Variants in MEGF10 observed in about 807,000 individuals in gnomAD.
The protein encoded by MEGF10 is multiple epidermal growth factor-like domains protein 10.
MEGF10 carries 86 observed loss-of-function variants against 147.5 expected under a neutral mutation model. The observed-to-expected ratio is 0.58, with a 90% CI of 0.49 to 0.70. The LOEUF is 0.70. MEGF10 is among the 30% of genes least tolerant of loss of function. The probability of loss-of-function intolerance (pLI) is 0.00; values close to 1 mark genes in which losing one functional copy is unlikely to be tolerated. For synonymous variants in MEGF10, 478 were observed against 525.5 expected, an observed-to-expected ratio of 0.91 and a Z score of 1.24; for missense variants, 1,329 against 1,487.3, an observed-to-expected ratio of 0.89 and a Z score of 1.75.
intron 5 of MEGF10, 124 bp downstream of exon 5, chr5:127,370,126 C>T (rs1180778286): frequency 4.4e-5 from 26 of 590,194 alleles, no homozygotes; most frequent in Admixed American, 9.5e-5. Flanking sequence ...GTAAATGCCA[C>T]GACCAACTCA....
chr5:127,279,685 G>A, the MEGF10 span, among the ~76,000 whole-genome samples: 1 of 152,038 alleles, frequency 6.6e-6, no homozygotes. Flanking sequence ...ACAATACTCT[G>A]TGTCAAATAC....
intron 4 of MEGF10, among the ~76,000 whole-genome samples, chr5:127,352,847 G>C (rs1762133311): frequency 6.6e-6 from 1 of 152,216 alleles, no homozygotes; most frequent in Non-Finnish European, 1.5e-5. Flanking sequence ...GGCTGATAAA[G>C]AAGACAGTTT....
At position 127,410,615 on chromosome 5, in the gene MEGF10, TC is replaced by T; in HGVS notation, c.1130+18del. The T allele has an allele frequency of 6.3e-7, 1 of 1,586,114 alleles. No homozygotes were observed. The highest frequency in any genetic ancestry group is 8.6e-7 in the Non-Finnish European group (1 of 1,168,726). ...AAACACTCATAGGTGAGTGTCAGCT[TC>T]CCCTGGAAGGACGTGTCCTGTGAAA... On this transcript the variant is annotated intron_variant, in intron 9 of 24. Transcript: ENST00000503335.
chr5:127,237,313 T>C, the MEGF10 span, among the ~76,000 whole-genome samples: 2 of 152,138 alleles, frequency 1.3e-5, no homozygotes, highest in African/African-American at 4.8e-5. Context: ...GCCAACACAG[T>C]GAAACCCTGT....
the MEGF10 span, among the ~76,000 whole-genome samples, chr5:127,261,769 T>C: frequency 6.6e-6 from 1 of 152,166 alleles, no homozygotes; most frequent in African/African-American, 2.4e-5. Context: ...GTTCTTATTA[T>C]CTGTTTTTTA....
chr5:127,309,703 G>A (rs945614598), intron 1 of MEGF10, among the ~76,000 whole-genome samples: 2 of 152,096 alleles, frequency 1.3e-5, no homozygotes, highest in Admixed American at 1.3e-4. Flanking sequence ...ATGGACATAT[G>A]TGTCATTTCC....
the MEGF10 span, among the ~76,000 whole-genome samples, chr5:127,274,932 G>A: frequency 1.3e-5 from 2 of 152,166 alleles, no homozygotes; most frequent in African/African-American, 4.8e-5. Context: ...CTGGTCATGT[G>A]TTTTGTGTAA....
chr5:127,366,708 A>T (rs1024758106), intron 4 of MEGF10, among the ~76,000 whole-genome samples: 10 of 152,180 alleles, frequency 6.6e-5, no homozygotes, highest in South Asian at 2.1e-4. Flanking sequence ...GGATTTTTTT[A>T]AAAAATTATT....
chr5:127,285,396 G>A, the MEGF10 span, among the ~76,000 whole-genome samples: 3 of 152,044 alleles, frequency 2.0e-5, no homozygotes, highest in Admixed American at 6.6e-5. Context: ...ATTTTAAGAT[G>A]TCAAGATTAA....
intron 8 of MEGF10, among the ~76,000 whole-genome samples, chr5:127,410,121 A>AAGC (rs1043003877): frequency 4.6e-5 from 7 of 152,280 alleles, no homozygotes; most frequent in Admixed American, 1.3e-4. Context: ...CTCATGTCCT[A>AAGC]AGCTCCTATT....
intron 5 of MEGF10, among the ~76,000 whole-genome samples, chr5:127,392,907 C>T (rs1763756260): frequency 6.6e-6 from 1 of 152,138 alleles, no homozygotes; most frequent in South Asian, 2.1e-4. Context: ...TAAGCCATTC[C>T]ATGAAATATC....
intron 1 of MEGF10, among the ~76,000 whole-genome samples, chr5:127,298,099 G>T (rs1236160720): frequency 6.6e-6 from 1 of 152,196 alleles, no homozygotes; most frequent in Non-Finnish European, 1.5e-5. Context: ...ACTATGGAAA[G>T]AGTTCATATC....
At chr5:127,378,358 C>T (rs1234601990) in intron 5 of MEGF10, among the ~76,000 whole-genome samples, 2 of 152,186 alleles carry the variant, frequency 1.3e-5, no homozygotes, top group African/African-American at 4.8e-5. Context: ...GCTTACACCA[C>T]ACTTCTTCAC....
chr5:127,409,334 A>C (rs967534203), intron 8 of MEGF10, among the ~76,000 whole-genome samples: 1 of 152,202 alleles, frequency 6.6e-6, no homozygotes, highest in African/African-American at 2.4e-5. Context: ...TGAGAGCCAC[A>C]TGGGAAGTGG....
the MEGF10 span, among the ~76,000 whole-genome samples, chr5:127,279,902 A>T: frequency 6.6e-6 from 1 of 152,224 alleles, no homozygotes; most frequent in South Asian, 2.1e-4. Context: ...TTCCCTCCTG[A>T]CTAGTTGATA....
rs533949118 is a variant in MEGF10, at chr5:127,332,962, A to G, written c.116+1538A>G. Among the ~76,000 whole-genome samples the G allele has an allele frequency of 3.3e-4, 50 of 152,276 alleles. No individual in the cohort carries two copies. The Middle Eastern group carries it at 0.01, about 31-fold the overall frequency. On this transcript the variant is annotated intron_variant, in intron 2 of 24. Coordinates refer to ENST00000503335, the MANE Select transcript of MEGF10 (RefSeq NM_001256545.2). ...ATCAACAGATCTTGATAATACATTG[A>G]CTGAGGAAGTGAAGGAGGCAGAGAA... is the stretch of plus-strand genomic sequence containing the variant.
chr5:127,374,478 A>C (rs1186967189), intron 5 of MEGF10, among the ~76,000 whole-genome samples: 2 of 151,936 alleles, frequency 1.3e-5, no homozygotes, highest in Non-Finnish European at 2.9e-5. Flanking sequence ...CAATTCCTAT[A>C]TGCACCCTCC....
chr5:127,272,519 T>C, the MEGF10 span, among the ~76,000 whole-genome samples: 1 of 152,190 alleles, frequency 6.6e-6, no homozygotes, highest in African/African-American at 2.4e-5. Flanking sequence ...TGCTTTGGAC[T>C]GTATGGCCAT....
chr5:127,269,565 G>A, the MEGF10 span, among the ~76,000 whole-genome samples: 1 of 152,176 alleles, frequency 6.6e-6, no homozygotes, highest in Non-Finnish European at 1.5e-5. Context: ...AATGAACAAA[G>A]CCTCCAAGAA....
Sources: allele counts gnomAD v4.1 joint callset (sites outside exome capture counted in the v4.1 genomes callset), GRCh38; gene constraint gnomAD v4.1.1; transcripts MANE v1.5; gene names NCBI Gene and HGNC (gene_info 2026-07-23, HGNC 2026-07-21).